The following DSCAM variants were observed in gnomAD, a reference collection of about 807,000 sequenced individuals.
DSCAM encodes cell adhesion molecule DSCAM.
Under a neutral mutation model 217.7 loss-of-function variants are expected in DSCAM, and 47 were observed. The observed-to-expected ratio is 0.22, with a 90% CI of 0.17 to 0.28. DSCAM has a LOEUF of 0.28. DSCAM is among the 10% of genes least tolerant of loss of function. The pLI is 1.00. For missense variants in DSCAM, 2,080 were observed against 2,618.3 expected, an observed-to-expected ratio of 0.79 and a Z score of 4.49; for synonymous variants, 1,056 against 1,015.3, an observed-to-expected ratio of 1.04 and a Z score of -0.76.
At chr21:40,726,147 C>T (rs34753182) in intron 1 of DSCAM, among the ~76,000 whole-genome samples, 3,588 of 152,124 alleles carry the variant, frequency 0.024, 54 homozygotes, top group Middle Eastern at 0.034. Context: ...CATTCAAGCA[C>T]GCTAATGCAT....
intron 16 of DSCAM, among the ~76,000 whole-genome samples, chr21:40,148,193 C>CT (rs141767088): frequency 0.045 from 6,872 of 151,314 alleles, 206 homozygotes; most frequent in African/African-American, 0.08. Flanking sequence ...GTTTTTACAT[C>CT]TTTTTTTTTC....
intron 20 of DSCAM, among the ~76,000 whole-genome samples, chr21:40,120,657 A>T (rs2090022901): frequency 6.6e-6 from 1 of 152,174 alleles, no homozygotes; most frequent in Non-Finnish European, 1.5e-5. Flanking sequence ...TTGCAGTTTG[A>T]ATCTCTGATT....
intron 6 of DSCAM, among the ~76,000 whole-genome samples, chr21:40,340,305 G>C (rs1396117670): frequency 6.6e-6 from 1 of 152,114 alleles, no homozygotes; most frequent in Admixed American, 6.5e-5. Context: ...GAAATTTTCA[G>C]TATGTTTACA....
chr21:40,483,475 T>C (rs1375118649), intron 3 of DSCAM, among the ~76,000 whole-genome samples: 1 of 152,222 alleles, frequency 6.6e-6, no homozygotes. Flanking sequence ...GAAATTACCA[T>C]GGGAATTATA....
chr21:40,443,197 A>C (rs1199466820), intron 3 of DSCAM, among the ~76,000 whole-genome samples: 7 of 152,362 alleles, frequency 4.6e-5, no homozygotes, highest in African/African-American at 1.7e-4. Context: ...TTCTTTTACC[A>C]GCATGAAATG....
At chr21:40,645,133 A>G (rs986326237) in intron 3 of DSCAM, among the ~76,000 whole-genome samples, 1 of 152,042 alleles carries the variant, frequency 6.6e-6, no homozygotes, top group Non-Finnish European at 1.5e-5. Context: ...TAATTAACGT[A>G]CTCTCTTCTT....
chr21:40,813,878 C>G (rs2091859347), intron 1 of DSCAM, among the ~76,000 whole-genome samples: 1 of 152,062 alleles, frequency 6.6e-6, no homozygotes, highest in Non-Finnish European at 1.5e-5. Flanking sequence ...AACTCCTGAC[C>G]TAGTGATCCA....
At chr21:40,304,735 G>A (rs1023202307) in intron 9 of DSCAM, among the ~76,000 whole-genome samples, 2 of 152,136 alleles carry the variant, frequency 1.3e-5, no homozygotes, top group Non-Finnish European at 2.9e-5. Context: ...GCTGAGAAAT[G>A]GTCAATATTG....
At chr21:40,248,260 T>C (rs572486226) in intron 11 of DSCAM, among the ~76,000 whole-genome samples, 3 of 152,356 alleles carry the variant, frequency 2.0e-5, no homozygotes, top group East Asian at 1.9e-4. Flanking sequence ...TTGTTACTTA[T>C]GCAAATTTCT....
intron 3 of DSCAM, among the ~76,000 whole-genome samples, chr21:40,530,960 T>C (rs1017288949): frequency 6.7e-6 from 1 of 149,726 alleles, no homozygotes; most frequent in African/African-American, 2.5e-5. Context: ...CATCCATCCA[T>C]CCAACCATCC....
intron 30 of DSCAM, 135 bp downstream of exon 30, chr21:40,051,823 G>A: frequency 1.8e-6 from 2 of 1,104,240 alleles, no homozygotes; most frequent in African/African-American, 1.6e-5. Flanking sequence ...ATCCCAATTA[G>A]GGATGTTATT....
At chr21:40,045,980 T>C (rs1159127913) in intron 30 of DSCAM, among the ~76,000 whole-genome samples, 2 of 152,202 alleles carry the variant, frequency 1.3e-5, no homozygotes, top group Non-Finnish European at 2.9e-5. Context: ...ATGAAGGCAA[T>C]GGAAGCTCAG....
chr21:40,765,014 C>G (rs948723225), intron 1 of DSCAM, among the ~76,000 whole-genome samples: 28 of 151,858 alleles, frequency 1.8e-4, no homozygotes, highest in African/African-American at 6.8e-4. Context: ...GGGCTTAAAA[C>G]CGAGATGGGT....
intron 27 of DSCAM, among the ~76,000 whole-genome samples, chr21:40,068,686 G>C (rs1184519641): frequency 6.6e-6 from 1 of 152,186 alleles, no homozygotes; most frequent in Non-Finnish European, 1.5e-5. Context: ...TTCATGGCAA[G>C]AGGAGTAGGG....
chr21:40,633,391 C>A (rs1403761276), intron 3 of DSCAM, among the ~76,000 whole-genome samples: 1 of 152,222 alleles, frequency 6.6e-6, no homozygotes, highest in South Asian at 2.1e-4. Flanking sequence ...CAGGGACCCA[C>A]AGCTCAGATA....
intron 1 of DSCAM, among the ~76,000 whole-genome samples, chr21:40,800,838 C>A (rs2091733872): frequency 6.6e-6 from 1 of 151,704 alleles, no homozygotes; most frequent in Non-Finnish European, 1.5e-5. Flanking sequence ...GCCTCAGCCT[C>A]CTGAGTAGCT....
In DSCAM at chr21:40,680,124, T is replaced by G. The variant is rs558063499; in HGVS notation, c.508+12686A>C. ...TAACAATCTTACTATAATGTTATTT[T>G]TATTCCTATTTCCATTTTACAGTTG... On this transcript the variant is annotated intron_variant, in intron 3 of 32. Coordinates refer to ENST00000400454, the MANE Select transcript of DSCAM (RefSeq NM_001389.5). Among the ~76,000 whole-genome samples the G allele has an allele frequency of 7.2e-5, 11 of 152,362 alleles. No individual in the cohort carries two copies. In the South Asian group the frequency reaches 2.3e-3, roughly 32 times the overall value.
intron 16 of DSCAM, among the ~76,000 whole-genome samples, chr21:40,163,041 A>T (rs1300157073): frequency 6.6e-6 from 1 of 150,478 alleles, no homozygotes; most frequent in Non-Finnish European, 1.5e-5. Context: ...CTAAATAATG[A>T]ATGTTTTATT....
At chr21:40,436,729 T>C (rs746877763) in intron 3 of DSCAM, among the ~76,000 whole-genome samples, 1 of 152,134 alleles carries the variant, frequency 6.6e-6, no homozygotes, top group Non-Finnish European at 1.5e-5. Flanking sequence ...TGGTTAAGAA[T>C]TTCAAGACGA....
Sources: allele counts gnomAD v4.1 joint callset (sites outside exome capture counted in the v4.1 genomes callset), GRCh38; gene constraint gnomAD v4.1.1; transcripts MANE v1.5; gene names NCBI Gene and HGNC (gene_info 2026-07-23, HGNC 2026-07-21).